Variants in B3GALT1 observed in about 807,000 individuals in gnomAD.
B3GALT1 encodes the protein beta-1,3-galactosyltransferase 1, also known as UDP-Gal:betaGlcNAc beta 1,3-galactosyltransferase, polypeptide 1.
In B3GALT1, 10 loss-of-function variants were observed where a neutral mutation model predicts 23.2. The ratio of observed to expected loss-of-function variants is 0.43; its 90% CI spans 0.27 to 0.73. B3GALT1 has a LOEUF of 0.73. B3GALT1 is among the 30% of genes least tolerant of loss of function. The pLI is 0.21. For missense variants in B3GALT1, 299 were observed against 405.4 expected (o/e 0.74, Z 2.25); for synonymous variants, 156 against 141.5 (o/e 1.10, Z -0.73).
chr2:167,320,436 C>T (rs954288933), intron 1 of B3GALT1, among the ~76,000 whole-genome samples: 5 of 151,906 alleles, frequency 3.3e-5, no homozygotes, highest in Admixed American at 6.6e-5. Flanking sequence ...GTGATCTGCC[C>T]GCCTTGGCCT....
At chr2:167,408,163 A>G (rs1490570172) in intron 1 of B3GALT1, among the ~76,000 whole-genome samples, 1 of 152,128 alleles carries the variant, frequency 6.6e-6, no homozygotes, top group Non-Finnish European at 1.5e-5. Flanking sequence ...CACATTAGAA[A>G]GATTATTCAT....
At chr2:167,383,856 G>A (rs892102046) in intron 1 of B3GALT1, among the ~76,000 whole-genome samples, 2 of 152,288 alleles carry the variant, frequency 1.3e-5, no homozygotes, top group Admixed American at 1.3e-4. Flanking sequence ...TTTCCCTAAT[G>A]TAGCTTCTTC....
chr2:167,850,795 A>G (rs1438478123), intron 4 of B3GALT1, among the ~76,000 whole-genome samples: 2 of 151,794 alleles, frequency 1.3e-5, no homozygotes, highest in Non-Finnish European at 2.9e-5. Flanking sequence ...GAATGATACA[A>G]TGGACTTTGG....
At chr2:167,836,429 A>C (rs371222654) in intron 4 of B3GALT1, among the ~76,000 whole-genome samples, 1 of 152,120 alleles carries the variant, frequency 6.6e-6, no homozygotes, top group Non-Finnish European at 1.5e-5. Flanking sequence ...GGGTATCAGC[A>C]ATGGAAGATG....
intron 3 of B3GALT1, among the ~76,000 whole-genome samples, chr2:167,663,667 AT>A (rs1686114692): frequency 6.7e-6 from 1 of 150,260 alleles, no homozygotes; most frequent in Non-Finnish European, 1.5e-5. Context: ...CTGTTGTGAG[AT>A]GGTATCTCAT....
At chr2:167,865,753 C>T (rs1425848167) in intron 4 of B3GALT1, among the ~76,000 whole-genome samples, 2 of 152,058 alleles carry the variant, frequency 1.3e-5, no homozygotes, top group African/African-American at 4.8e-5. Flanking sequence ...GATTGCACCA[C>T]TGCACTCCAG....
intron 1 of B3GALT1, among the ~76,000 whole-genome samples, chr2:167,379,936 G>A (rs1697822426): frequency 6.6e-6 from 1 of 152,254 alleles, no homozygotes; most frequent in Admixed American, 6.5e-5. Context: ...ATGTAGAGGA[G>A]AGGGCCCCCC....
chr2:167,761,935 C>T (rs1687904602), intron 3 of B3GALT1, among the ~76,000 whole-genome samples: 1 of 152,162 alleles, frequency 6.6e-6, no homozygotes, highest in African/African-American at 2.4e-5. Flanking sequence ...GTTGACTTCC[C>T]ACCACAATGC....
chr2:167,678,526 T>C (rs189096929), intron 3 of B3GALT1, among the ~76,000 whole-genome samples: 1,952 of 152,168 alleles, frequency 0.013, 83 homozygotes, highest in Admixed American at 0.082. Context: ...CTAAGCACCA[T>C]CCCCATCTTA....
At chr2:167,736,178 A>G (rs1366738878) in intron 3 of B3GALT1, among the ~76,000 whole-genome samples, 2 of 152,208 alleles carry the variant, frequency 1.3e-5, no homozygotes, top group Non-Finnish European at 2.9e-5. Context: ...TTTTTTCACT[A>G]TATAACCATG....
intron 1 of B3GALT1, among the ~76,000 whole-genome samples, chr2:167,416,316 A>G (rs745700463): frequency 5.9e-5 from 9 of 152,194 alleles, no homozygotes; most frequent in Non-Finnish European, 1.2e-4. Context: ...CTGTGGCTCA[A>G]GTGGCCTCAG....
intron 2 of B3GALT1, among the ~76,000 whole-genome samples, chr2:167,646,053 A>G (rs1194546879): frequency 6.6e-6 from 1 of 152,156 alleles, no homozygotes; most frequent in Non-Finnish European, 1.5e-5. Context: ...CCTTTTCTGA[A>G]ATCACAGAAT....
chr2:167,671,140 G>A (rs1352636431), intron 3 of B3GALT1, among the ~76,000 whole-genome samples: 4 of 152,128 alleles, frequency 2.6e-5, no homozygotes, highest in Non-Finnish European at 5.9e-5. Flanking sequence ...TGCACCCAAT[G>A]TTGGGACACC....
chr2:167,705,510 T>A (rs1686954223), intron 3 of B3GALT1, among the ~76,000 whole-genome samples: 1 of 152,098 alleles, frequency 6.6e-6, no homozygotes, highest in Non-Finnish European at 1.5e-5. Context: ...TGCCTTGAAG[T>A]CCATGAAAAC....
intron 3 of B3GALT1, among the ~76,000 whole-genome samples, chr2:167,706,453 C>T (rs1415670187): frequency 1.3e-5 from 2 of 152,170 alleles, no homozygotes; most frequent in African/African-American, 2.4e-5. Context: ...AAGAAAATGT[C>T]CTATTTGGGT....
At chr2:167,452,991 C>A (rs1242721804) in intron 1 of B3GALT1, among the ~76,000 whole-genome samples, 2 of 152,102 alleles carry the variant, frequency 1.3e-5, no homozygotes, top group East Asian at 1.9e-4. Context: ...TAATATGGAG[C>A]CACTTTGAAG....
At chr2:167,834,636 G>A (rs1689420477) in intron 4 of B3GALT1, among the ~76,000 whole-genome samples, 1 of 152,162 alleles carries the variant, frequency 6.6e-6, no homozygotes, top group South Asian at 2.1e-4. Context: ...ATCACCTGAG[G>A]TCAGGAATTT....
chr2:167,416,550 C>T (rs189871728), intron 1 of B3GALT1, among the ~76,000 whole-genome samples: 69 of 152,250 alleles, frequency 4.5e-4, no homozygotes, highest in South Asian at 1.2e-3. Flanking sequence ...AGTGGAAATG[C>T]GGGGTTAGAG....
chr2:167,608,189 G>A (rs1017912332), intron 2 of B3GALT1, among the ~76,000 whole-genome samples: 1 of 152,024 alleles, frequency 6.6e-6, no homozygotes, highest in Non-Finnish European at 1.5e-5. Flanking sequence ...AAAGAAAGAC[G>A]AATTAACAAC....
Sources: allele counts gnomAD v4.1 joint callset (sites outside exome capture counted in the v4.1 genomes callset), GRCh38; gene constraint gnomAD v4.1.1; transcripts MANE v1.5; gene names NCBI Gene and HGNC (gene_info 2026-07-23, HGNC 2026-07-21).